The following IFT43 variants were observed in gnomAD, a reference collection of about 807,000 sequenced individuals.
IFT43 encodes the protein intraflagellar transport protein 43 homolog.
In IFT43, 33 loss-of-function variants were observed where a neutral mutation model predicts 32.3. That is an observed-to-expected ratio of 1.02 (90% CI 0.77 to 1.37). IFT43 has a LOEUF of 1.37. Among genes scored for constraint, IFT43 ranks in the 40% most tolerant of loss-of-function variants. The pLI is 0.00. For synonymous variants in IFT43, 93 were observed against 98.2 expected, an observed-to-expected ratio of 0.95 and a Z score of 0.31; for missense variants, 274 against 265.9, an observed-to-expected ratio of 1.03 and a Z score of -0.21.
intron 5 of IFT43, among the ~76,000 whole-genome samples, chr14:76,075,843 A>G (rs2037402944): frequency 6.6e-6 from 1 of 152,252 alleles, no homozygotes; most frequent in South Asian, 2.1e-4. Context: ...AGAAGGTAAC[A>G]GCATTCAGTA....
intron 2 of IFT43, among the ~76,000 whole-genome samples, chr14:75,994,313 G>A (rs1374644606): frequency 6.6e-6 from 1 of 152,058 alleles, no homozygotes; most frequent in Non-Finnish European, 1.5e-5. Flanking sequence ...GGATGCCTGT[G>A]GTTTGGTCCA....
At chr14:76,008,919 G>C (rs1015271336) in intron 2 of IFT43, among the ~76,000 whole-genome samples, 2 of 152,190 alleles carry the variant, frequency 1.3e-5, no homozygotes, top group East Asian at 3.9e-4. Flanking sequence ...TCATTAAAGG[G>C]GTAAGGATTA....
chr14:76,064,988 A>G (rs2037203273), intron 5 of IFT43, among the ~76,000 whole-genome samples: 1 of 152,208 alleles, frequency 6.6e-6, no homozygotes. Flanking sequence ...AAATCGTCTG[A>G]GCACTGAAGT....
intron 3 of IFT43, among the ~76,000 whole-genome samples, chr14:76,052,801 A>G (rs906453041): frequency 2.6e-5 from 4 of 152,258 alleles, no homozygotes; most frequent in African/African-American, 9.6e-5. Context: ...TAAATAAAAC[A>G]TATAATAAAT....
intron 5 of IFT43, among the ~76,000 whole-genome samples, chr14:76,073,197 A>G (rs752150069): frequency 2.0e-5 from 3 of 152,204 alleles, no homozygotes; most frequent in Admixed American, 6.5e-5. Flanking sequence ...AGAACACAGC[A>G]GGTTGTGGCC....
intron 3 of IFT43, among the ~76,000 whole-genome samples, chr14:76,039,635 C>G (rs2036668754): frequency 6.6e-6 from 1 of 152,084 alleles, no homozygotes; most frequent in African/African-American, 2.4e-5. Flanking sequence ...GACATTAGAA[C>G]TACTGGTGAA....
chr14:76,078,329 C>T (rs576788739), intron 5 of IFT43, among the ~76,000 whole-genome samples: 1 of 152,304 alleles, frequency 6.6e-6, no homozygotes, highest in South Asian at 2.1e-4. Flanking sequence ...TTAGGTTTCC[C>T]TGTTGCTTTC....
intron 2 of IFT43, among the ~76,000 whole-genome samples, chr14:75,998,773 C>G (rs2139886870): frequency 6.6e-6 from 1 of 152,320 alleles, no homozygotes; most frequent in East Asian, 1.9e-4. Context: ...TGAGTGAGGT[C>G]TCAGTAAATC....
intron 2 of IFT43, among the ~76,000 whole-genome samples, chr14:75,991,310 A>G (rs909905030): frequency 1.3e-5 from 2 of 151,528 alleles, no homozygotes; most frequent in Non-Finnish European, 2.9e-5. Context: ...CAGCCTGGGC[A>G]ACAAGAGTGA....
chr14:75,989,281 G>A lies in IFT43; in HGVS notation c.147+304G>A, dbSNP rs146114550. 1.1e-3 allele frequency among the ~76,000 whole-genome samples: 163 copies of A among 151,960 alleles called. 1 individual carries two copies. The highest frequency in any genetic ancestry group is 1.8e-3 in the Non-Finnish European group (125 of 68,016). On this transcript the variant is annotated intron_variant, in intron 2 of 8. Transcript: ENST00000314067. ...AGTAGGATTCCAGGTTTTTATTTCC[G>A]CTGAATAAATGCCAGTGAGGCAGAC...
rs1469921894 is a variant in IFT43, at chr14:75,988,895, T to A, written c.65T>A (p.Met22Lys). The A allele has an allele frequency of 6.2e-7, 1 of 1,613,916 alleles. No homozygotes were observed. The highest frequency in any genetic ancestry group is 1.3e-5 in the African/African-American group (1 of 75,002). The change falls in exon 2 of 9, where the codon ATG (methionine) becomes AAG (lysine). Residue 22 changes from methionine to lysine, a missense_variant. Transcript: ENST00000314067. ...RYSLATSRAK[M>K]GRRAQQESAQ... ...TGTTTCTCCTTACAGAGGGCCAAGA[T>A]GGGTCGCCGAGCTCAACAGGAGTCA...
intron 2 of IFT43, among the ~76,000 whole-genome samples, chr14:76,016,729 G>A (rs1381572129): frequency 3.3e-5 from 5 of 151,916 alleles, no homozygotes; most frequent in South Asian, 2.1e-4. Context: ...AATTTCTTTC[G>A]TTAGTGTTCT....
intron 3 of IFT43, among the ~76,000 whole-genome samples, chr14:76,031,889 A>C (rs1178447999): frequency 6.6e-6 from 1 of 152,032 alleles, no homozygotes; most frequent in Non-Finnish European, 1.5e-5. Flanking sequence ...CATGATCTCA[A>C]CCCAGTCTCA....
In IFT43 at chr14:76,033,930, A is replaced by G. The variant is rs116119978; in HGVS notation, c.215+11536A>G. ...TCATTATGGTCAGGGAGTGTCTTATAGCGGAGATAGGAGTCAAGCTGGATG... is the reference window on the plus strand; with the variant it reads ...TCATTATGGTCAGGGAGTGTCTTATGGCGGAGATAGGAGTCAAGCTGGATG... On this transcript the variant is annotated intron_variant, in intron 3 of 8. Transcript: ENST00000314067. Among the ~76,000 whole-genome samples, 1,451 of 152,326 alleles carry G rather than the reference A, an allele frequency of 9.5e-3. 20 individuals are homozygous for G. Among genetic ancestry groups the G allele is most frequent in the African/African-American group, 0.033 (1,354 of 41,568 alleles).
At chr14:76,064,593 T>C (rs111699694) in intron 5 of IFT43, among the ~76,000 whole-genome samples, 83 of 152,300 alleles carry the variant, frequency 5.4e-4, no homozygotes, top group African/African-American at 1.9e-3. Flanking sequence ...AGTGTGAGGA[T>C]CTGGCCAGTC....
At chr14:76,060,544 T>A (rs1450166899) in intron 5 of IFT43, among the ~76,000 whole-genome samples, 3 of 151,872 alleles carry the variant, frequency 2.0e-5, no homozygotes, top group Non-Finnish European at 2.9e-5. Flanking sequence ...CTTTTTTTTT[T>A]AGACACACTT....
At chr14:76,027,339 C>CCG (rs1555364928) in intron 3 of IFT43, among the ~76,000 whole-genome samples, 6 of 46,838 alleles carry the variant, frequency 1.3e-4, no homozygotes, top group Admixed American at 3.8e-4. Context: ...CAACACCCCC[C>CCG]ACACACACAC....
chr14:76,076,397 A>G (rs2037412791), intron 5 of IFT43, among the ~76,000 whole-genome samples: 1 of 152,144 alleles, frequency 6.6e-6, no homozygotes, highest in Admixed American at 6.5e-5. Context: ...AAATTAGCAA[A>G]GAGTTAAGGG....
intron 2 of IFT43, among the ~76,000 whole-genome samples, chr14:76,018,836 C>T (rs1051102977): frequency 6.6e-6 from 1 of 151,990 alleles, no homozygotes. Context: ...GTAAGTATAG[C>T]TTCTCCTGCT....
Sources: allele counts gnomAD v4.1 joint callset (sites outside exome capture counted in the v4.1 genomes callset), GRCh38; gene constraint gnomAD v4.1.1; transcripts MANE v1.5; gene names NCBI Gene and HGNC (gene_info 2026-07-23, HGNC 2026-07-21).